CHERP: variants seen among roughly 807,000 people sequenced by gnomAD.
The protein encoded by CHERP is calcium homeostasis endoplasmic reticulum protein, also known as ERPROT 213-21.
A neutral mutation model predicts 113.8 loss-of-function variants in CHERP; 8 were observed. The ratio of observed to expected loss-of-function variants is 0.07; its 90% confidence interval spans 0.04 to 0.13. The LOEUF is 0.13. Ranked by LOEUF, CHERP falls within the 10% of genes least tolerant of loss-of-function variation. The probability of loss-of-function intolerance (pLI) is 1.00; values close to 1 mark genes in which losing one functional copy is unlikely to be tolerated. For synonymous variants in CHERP, 559 were observed against 524.5 expected (o/e 1.07, Z -0.90); for missense variants, 884 against 1,298.2 (o/e 0.68, Z 4.90).
intron 2 of CHERP, chr19:16,541,069 C>G (rs942190600): frequency 6.6e-6 from 1 of 151,956 alleles, no homozygotes; most frequent in African/African-American, 2.4e-5. Flanking sequence ...TACCTTAATA[C>G]AAGACGAGCG....
In CHERP at chr19:16,535,326, CG is replaced by C; in HGVS notation, c.384+125del. On this transcript the variant is annotated intron_variant, in intron 3 of 16. Coordinates refer to ENST00000546361, the MANE Select transcript of CHERP (RefSeq NM_006387.6). The surrounding 1 kb of genome is among the most constrained non-coding windows in gnomAD (Gnocchi z 4.3). ...GGGGGTGACAGTGGCTGACATGCAC[CG>C]AGCCCTGGGTGGCAGGGGGGGCCCT... 1.0e-6 allele frequency: 1 copy of C among 1,000,096 alleles called. No individual in the cohort carries two copies. Among genetic ancestry groups the C allele is most frequent in the Non-Finnish European group, 1.5e-6 (1 of 680,352 alleles). The allele number at this position is 1,000,096 out of a possible 1,614,324, so 62.0% of individuals were successfully genotyped here. A position where few individuals can be genotyped will look rare whatever the true frequency, so the allele number is the denominator to read the frequency against.
rs1278095737 is a variant in CHERP, at chr19:16,523,128, T to C, written c.1904A>G (p.Asn635Ser). 2.6e-6 allele frequency: 4 copies of C among 1,549,604 alleles called. No individual in the cohort carries two copies. Among genetic ancestry groups the C allele is most frequent in the Admixed American group, 2.1e-5 (1 of 48,174 alleles). Reference sequence around the variant, plus strand: ...GGGGACCAGGCTGGGGTCATCGTGGTTGATGTGGGGTGGGCCCTGTCGCCG... The same window carrying C: ...GGGGACCAGGCTGGGGTCATCGTGGCTGATGTGGGGTGGGCCCTGTCGCCG... Reference protein sequence around the residue: ...HMRRQGPPHINHDDPSLVPNV... With the variant: ...HMRRQGPPHISHDDPSLVPNV... Residue 635 changes from asparagine (N) to serine (S), a missense_variant, in exon 11 of 17, where the codon AAC becomes AGC. By Grantham distance (46) the Asn-to-Ser change is conservative. This residue lies in a region of CHERP where 464 missense variants were observed against 590.1 expected (regional missense o/e 0.79). Transcript: ENST00000546361. The surrounding 1 kb of genome is among the most constrained non-coding windows in gnomAD (Gnocchi z 4.0).
Position 16,542,392 on chromosome 19 carries a change from G to A in CHERP, c.-14C>T, listed in dbSNP as rs770445147. On this transcript the variant is annotated 5_prime_UTR_variant, in exon 1 of 17. Coordinates refer to ENST00000546361, the MANE Select transcript of CHERP (RefSeq NM_006387.6). ...CGGCATCTCCATGGCTCCGGCCGCG[G>A]GGAACGTCCTCCGGCGCCACACGAT... 1.5e-5 allele frequency: 20 copies of A among 1,361,464 alleles called. No individual in the cohort carries two copies. The highest frequency in any genetic ancestry group is 1.4e-4 in the East Asian group (5 of 35,638). 84.3% of individuals were successfully genotyped at this position (1,361,464 alleles called of 1,614,324 possible).
intron 3 of CHERP, among the ~76,000 whole-genome samples, chr19:16,533,390 C>T (rs982720655): frequency 6.6e-6 from 1 of 152,188 alleles, no homozygotes; most frequent in Non-Finnish European, 1.5e-5. Flanking sequence ...TACCAGGAGA[C>T]AACACCTGCC....
At chr19:16,534,803 T>C (rs2085730160) in intron 3 of CHERP, among the ~76,000 whole-genome samples, 2 of 152,282 alleles carry the variant, frequency 1.3e-5, no homozygotes, top group African/African-American at 4.8e-5. Flanking sequence ...TGGCGAAAGT[T>C]ATCAAACTGT....
At position 16,535,891 on chromosome 19, in the gene CHERP, G is replaced by A. The variant is rs1348502184; in HGVS notation, c.200-255C>T. The stretch of plus-strand genomic sequence containing the variant: ...GGAGAACCTAGGAAGTCCCCTGGCC[G>A]CTCTCTCGCCAGCACCATCCAGTCC... On this transcript the variant is annotated intron_variant, in intron 2 of 16. Coordinates refer to ENST00000546361, the MANE Select transcript of CHERP (RefSeq NM_006387.6). The surrounding 1 kb of genome is among the most constrained non-coding windows in gnomAD (Gnocchi z 4.3). Among the ~76,000 whole-genome samples, 6 of 152,242 alleles carry A rather than the reference G, an allele frequency of 3.9e-5. No individual in the cohort carries two copies. Among genetic ancestry groups the A allele is most frequent in the South Asian group, 2.1e-4 (1 of 4,822 alleles).
In CHERP at chr19:16,520,029, C is replaced by T; in HGVS notation, c.2462+120G>A. 1 of 1,059,938 alleles carries T rather than the reference C, an allele frequency of 9.4e-7. No individual in the cohort carries two copies. Among genetic ancestry groups the T allele is most frequent in the Non-Finnish European group, 1.4e-6 (1 of 709,390 alleles). 65.7% of individuals were successfully genotyped at this position (1,059,938 alleles called of 1,614,324 possible). The stretch of plus-strand genomic sequence containing the variant: ...GGTGAAGGGTGAGGGGTGCCACTGT[C>T]CCCGGGCTAATGCTGGCGGCCTCCT... On this transcript the variant is annotated intron_variant, in intron 15 of 16. Transcript: ENST00000546361. The surrounding 1 kb of genome is among the most constrained non-coding windows in gnomAD (Gnocchi z 4.0).
At chr19:16,521,179 AG>A in intron 12 of CHERP, 1 of 582,992 alleles carries the variant, frequency 1.7e-6, no homozygotes, top group East Asian at 2.9e-5. Flanking sequence ...ACTGGGAAAC[AG>A]GAACACTGAC....
At chr19:16,542,310 T>C in intron 1 of CHERP, 44 bp downstream of exon 1, 1 of 1,400,282 alleles carries the variant, frequency 7.1e-7, no homozygotes, top group South Asian at 1.7e-5. Flanking sequence ...CAATAGGAGG[T>C]TCCGGGGAGA....
intron 9 of CHERP, among the ~76,000 whole-genome samples, chr19:16,526,477 T>C (rs1408995554): frequency 1.3e-5 from 2 of 152,214 alleles, no homozygotes; most frequent in Non-Finnish European, 2.9e-5. Context: ...TGTTTTTCTT[T>C]TTCTTAATTT....
At chr19:16,533,603 A>G (rs1364221303) in intron 3 of CHERP, among the ~76,000 whole-genome samples, 1 of 152,122 alleles carries the variant, frequency 6.6e-6, no homozygotes, top group African/African-American at 2.4e-5. Flanking sequence ...CAAAAAATAA[A>G]ATACAAATTA....
chr19:16,523,085 A>G lies in CHERP; in HGVS notation c.1947T>C (p.Asp649=). The stretch of plus-strand genomic sequence containing the variant: ...GGGGGGCCATCAGCCCAGCAGGGAG[A>G]TCGAAGTAGGGCACATTGGGGACCA... ...PSLVPNVPYF[D]LPAGLMAPLV... is the part of the protein sequence containing the mutation. The change falls in exon 11 of 17, where the codon GAT becomes GAC. Residue 649 remains aspartate, a synonymous_variant. Transcript: ENST00000546361. The surrounding 1 kb of genome is among the most constrained non-coding windows in gnomAD (Gnocchi z 4.0). 6.5e-7 allele frequency: 1 copy of G among 1,527,158 alleles called. No homozygotes were observed. Among genetic ancestry groups the G allele is most frequent in the Non-Finnish European group, 8.8e-7 (1 of 1,140,746 alleles). The allele number at this position is 1,527,158 out of a possible 1,614,324, so 94.6% of individuals were successfully genotyped here.
chr19:16,530,456 T>TCCTA lies in CHERP; in HGVS notation c.876+125_876+128dup. The TCCTA allele has an allele frequency of 1.2e-6, 1 of 827,362 alleles. No homozygotes were observed. Among genetic ancestry groups the TCCTA allele is most frequent in the Non-Finnish European group, 2.0e-6 (1 of 492,682 alleles). The allele number at this position is 827,362 out of a possible 1,614,324, so 51.3% of individuals were successfully genotyped here. A position where few individuals can be genotyped will look rare whatever the true frequency, so the allele number is the denominator to read the frequency against. On this transcript the variant is annotated intron_variant, in intron 7 of 16. Transcript: ENST00000546361. The surrounding 1 kb of genome is among the most constrained non-coding windows in gnomAD (Gnocchi z 4.1). ...TCTCTGGTCAACACACACTGGCTAC[T>TCCTA]CCTAGCACAGGCAGGGGACATGGGC...
In CHERP at chr19:16,519,737, C is replaced by A; in HGVS notation, c.2463-22G>T. 6.3e-7 allele frequency: 1 copy of A among 1,586,924 alleles called. No individual in the cohort carries two copies. Among genetic ancestry groups the A allele is most frequent in the Non-Finnish European group, 8.7e-7 (1 of 1,155,566 alleles). On this transcript the variant is annotated intron_variant, in intron 15 of 16. Transcript: ENST00000546361. The surrounding 1 kb of genome is among the most constrained non-coding windows in gnomAD (Gnocchi z 6.0). ...GGAACTAAAATCGAGACAGGTTATT[C>A]TTTTTAAGAAGTAACTGAGACATTT...
At position 16,518,162 on chromosome 19, in the gene CHERP, G is replaced by C. The variant is rs574521135; in HGVS notation, c.*997C>G. 2 of 152,152 alleles carry C rather than the reference G, an allele frequency of 1.3e-5. No individual in the cohort carries two copies. Among genetic ancestry groups the C allele is most frequent in the Admixed American group, 6.5e-5 (1 of 15,270 alleles). 9.4% of individuals were successfully genotyped at this position (152,152 alleles called of 1,614,324 possible). On this transcript the variant is annotated 3_prime_UTR_variant, in exon 17 of 17. Coordinates refer to ENST00000546361, the MANE Select transcript of CHERP (RefSeq NM_006387.6). Reference sequence around the variant, plus strand: ...ACACCAGGTGTGGCCGATTCCCAACGGTCACCCACCAGCTTCTGGCAGGAG... The same window carrying C: ...ACACCAGGTGTGGCCGATTCCCAACCGTCACCCACCAGCTTCTGGCAGGAG...
chr19:16,520,593 A>T lies in CHERP; in HGVS notation c.2202-86T>A. On this transcript the variant is annotated intron_variant, in intron 13 of 16. Coordinates refer to ENST00000546361, the MANE Select transcript of CHERP (RefSeq NM_006387.6). This position sits in a 1 kb window ranked among gnomAD's most constrained non-coding sequence, Gnocchi z 4.0. ...GGCCCTCAGGTTCCTAGACCACCCC[A>T]GATGCAGGGGCTCTGGCTGTGGATG... 5 of 1,456,530 alleles carry T rather than the reference A, an allele frequency of 3.4e-6. No homozygotes were observed. Among genetic ancestry groups the T allele is most frequent in the Non-Finnish European group, 4.7e-6 (5 of 1,065,248 alleles). 90.2% of individuals were successfully genotyped at this position (1,456,530 alleles called of 1,614,324 possible).
intron 9 of CHERP, among the ~76,000 whole-genome samples, chr19:16,527,349 G>A (rs2122260428): frequency 6.6e-6 from 1 of 152,204 alleles, no homozygotes; most frequent in East Asian, 1.9e-4. Flanking sequence ...TCAATTTCGT[G>A]TCCTGAAGCT....
chr19:16,529,659 G>A lies in CHERP; in HGVS notation c.1118C>T (p.Thr373Ile). The A allele has an allele frequency of 2.6e-6, 4 of 1,545,706 alleles. No homozygotes were observed. Among genetic ancestry groups the A allele is most frequent in the Non-Finnish European group, 3.5e-6 (4 of 1,149,864 alleles). The stretch of plus-strand genomic sequence containing the variant: ...AGGGAGCCCCGTACCAGGCTGGGTG[G>A]TGGGCGGGATGGCAGGGGCAGGTGC... ...APAPAPAIPPTTQPDDSKPPI... is the reference protein window; with the variant it reads ...APAPAPAIPPITQPDDSKPPI... Residue 373 changes from threonine to isoleucine, a missense_variant, in exon 8 of 17, where the codon ACC becomes ATC. Coordinates refer to ENST00000546361, the MANE Select transcript of CHERP (RefSeq NM_006387.6).
chr19:16,525,774 C>A lies in CHERP; in HGVS notation c.1306-97G>T. ...GCAGCATCACAGCGCTGGCTCAGAC[C>A]ATGGAGGCGCTGCCCTGGCCACGTT... is the stretch of plus-strand genomic sequence containing the variant. On this transcript the variant is annotated intron_variant, in intron 9 of 16. Transcript: ENST00000546361. This position sits in a 1 kb window ranked among gnomAD's most constrained non-coding sequence, Gnocchi z 6.5. 8.4e-7 allele frequency: 1 copy of A among 1,193,538 alleles called. No individual in the cohort carries two copies. 73.9% of individuals were successfully genotyped at this position (1,193,538 alleles called of 1,614,324 possible).
Sources: gnomAD v4.1 joint callset for allele counts (sites outside exome capture counted in the v4.1 genomes callset) on GRCh38, gnomAD v4.1.1 for gene constraint, gnomAD v4.1.1 regional missense constraint, Gnocchi (gnomAD v3.1) non-coding constraint, MANE v1.5 for transcripts, NCBI Gene and HGNC (gene_info 2026-07-23, HGNC 2026-07-21) for gene names.